BPTF: variants seen among roughly 807,000 people sequenced by gnomAD.
BPTF encodes nucleosome-remodeling factor subunit BPTF.
In BPTF, 18 loss-of-function variants were observed where a neutral mutation model predicts 292.5. The observed-to-expected ratio is 0.06, with a 90% CI of 0.04 to 0.09. The LOEUF (loss-of-function observed/expected upper bound fraction) is 0.09, where lower values mean the gene tolerates loss of function less well. BPTF is among the 10% of genes least tolerant of loss of function. The pLI is 1.00. For missense variants in BPTF, 2,726 were observed against 3,498.7 expected, an observed-to-expected ratio of 0.78 and a Z score of 5.57; for synonymous variants, 1,225 against 1,251.9, an observed-to-expected ratio of 0.98 and a Z score of 0.45.
At chr17:67,973,415 T>G (rs1328734341) in intron 26 of BPTF, among the ~76,000 whole-genome samples, 1 of 152,012 alleles carries the variant, frequency 6.6e-6, no homozygotes, top group African/African-American at 2.4e-5. Flanking sequence ...TTTGCCATTT[T>G]AATCATTTTA....
chr17:67,826,132 A>AGAGGAGGACATGGTCTCC lies in BPTF; in HGVS notation c.417_434dup (p.Asp139_Glu144dup), dbSNP rs1567839918. The stretch of plus-strand genomic sequence containing the variant: ...ACCACGAGAGCGAGGAGGAGGAGGA[A>AGAGGAGGACATGGTCTCC]GAGGAGGACATGGTCTCCGAGGAGG... On this transcript the variant is annotated inframe_insertion, in exon 1 of 28. Transcript: ENST00000306378. 2.1e-6 allele frequency: 3 copies of AGAGGAGGACATGGTCTCC among 1,432,866 alleles called. No homozygotes were observed. 88.8% of individuals were successfully genotyped at this position (1,432,866 alleles called of 1,614,324 possible). A position where few individuals can be genotyped will look rare whatever the true frequency, so the allele number is the denominator to read the frequency against.
intron 1 of BPTF, among the ~76,000 whole-genome samples, chr17:67,839,935 A>G (rs1324136508): frequency 6.6e-6 from 1 of 151,868 alleles, no homozygotes; most frequent in Non-Finnish European, 1.5e-5. Context: ...TATCCTCCCT[A>G]GTACTTGATA....
At chr17:67,919,045 T>C (rs975625339) in intron 12 of BPTF, among the ~76,000 whole-genome samples, 1 of 150,884 alleles carries the variant, frequency 6.6e-6, no homozygotes, top group African/African-American at 2.4e-5. Context: ...GGTGGTGGGC[T>C]CCTGTAGTCC....
chr17:67,842,438 C>A (rs962359620), intron 1 of BPTF, among the ~76,000 whole-genome samples: 3 of 152,122 alleles, frequency 2.0e-5, no homozygotes, highest in East Asian at 1.9e-4. Context: ...GTCTGAGTTA[C>A]CACCATAATA....
chr17:67,827,931 T>C (rs1228413736), intron 1 of BPTF, among the ~76,000 whole-genome samples: 1 of 64,728 alleles, frequency 1.5e-5, no homozygotes, highest in Admixed American at 1.5e-4. Context: ...ATTTTAGTAC[T>C]TTTTTTTTTT....
chr17:67,964,998 C>CAAAAAAAAA (rs58009257), intron 25 of BPTF: 1 of 44,076 alleles, frequency 2.3e-5, no homozygotes, highest in Non-Finnish European at 3.5e-5. Context: ...GACTCCATCG[C>CAAAAAAAAA]AAAAAAAAAA....
chr17:67,842,817 CAAAAAA>C (rs60085248), intron 1 of BPTF, among the ~76,000 whole-genome samples: 8 of 47,804 alleles, frequency 1.7e-4, no homozygotes, highest in African/African-American at 4.6e-4. Flanking sequence ...CAATTAAGGC[CAAAAAA>C]AAAAAAAAAA....
chr17:67,976,103 G>C, intron 27 of BPTF, 145 bp downstream of exon 27: 1 of 590,870 alleles, frequency 1.7e-6, no homozygotes, highest in Non-Finnish European at 2.6e-6. Flanking sequence ...AAGACTCCAG[G>C]GTTATGATCT....
At chr17:67,934,240 G>A (rs1221197613) in intron 18 of BPTF, among the ~76,000 whole-genome samples, 2 of 151,304 alleles carry the variant, frequency 1.3e-5, no homozygotes, top group Admixed American at 6.6e-5. Context: ...AGACATGACC[G>A]GGCGCTGTGG....
chr17:67,825,571 C>G lies in BPTF; in HGVS notation c.-154C>G, dbSNP rs779491277. ...GATCCGGAGTGGGGCCCCAGCAATTCGGATTGAGCCTTCTCCCTCCACCCG... is the reference window on the plus strand; with the variant it reads ...GATCCGGAGTGGGGCCCCAGCAATTGGGATTGAGCCTTCTCCCTCCACCCG... On this transcript the variant is annotated 5_prime_UTR_variant, in exon 1 of 28. Coordinates refer to ENST00000306378, the MANE Select transcript of BPTF (RefSeq NM_182641.4). 1 of 428,300 alleles carries G rather than the reference C, an allele frequency of 2.3e-6. No individual in the cohort carries two copies. The highest frequency in any genetic ancestry group is 1.7e-5 in the South Asian group (1 of 59,012). 26.5% of individuals were successfully genotyped at this position (428,300 alleles called of 1,614,324 possible).
chr17:67,944,128 A>C, intron 19 of BPTF, 22 bp from the exon 20 acceptor site: 1 of 1,567,560 alleles, frequency 6.4e-7, no homozygotes, highest in East Asian at 2.2e-5. Context: ...AACACTGTTT[A>C]CATGTTGTGT....
At chr17:67,943,456 C>T (rs868976312) in intron 19 of BPTF, among the ~76,000 whole-genome samples, 2 of 152,100 alleles carry the variant, frequency 1.3e-5, no homozygotes, top group South Asian at 2.1e-4. Flanking sequence ...GAAGAGAGAG[C>T]GCCTAGAGAA....
At chr17:67,930,368 T>G (rs978632617) in intron 17 of BPTF, among the ~76,000 whole-genome samples, 5 of 151,704 alleles carry the variant, frequency 3.3e-5, no homozygotes. Context: ...CTGGCTAATT[T>G]TTGTATTTTT....
rs549672334 is a variant in BPTF, at chr17:67,875,882, A to G, written c.1864+862A>G. On this transcript the variant is annotated intron_variant, in intron 4 of 27. Transcript: ENST00000306378. ...TTACAGTGCCATCCCCATTTGCTAA[A>G]TTGTCACCTAACATTTGGAGTTTGA... The G allele has an allele frequency of 2.2e-4, 140 of 646,282 alleles. 2 individuals are homozygous for G. In the South Asian group the frequency reaches 9.0e-3, roughly 42 times the overall value. The allele number at this position is 646,282 out of a possible 1,614,324, so 40.0% of individuals were successfully genotyped here. A position where few individuals can be genotyped will look rare whatever the true frequency, so the allele number is the denominator to read the frequency against.
rs943348736 is a variant in BPTF, at chr17:67,917,131, CTTTTT to C, written c.5304-1568_5304-1564del. Among the ~76,000 whole-genome samples, 20 of 105,804 alleles carry C rather than the reference CTTTTT, an allele frequency of 1.9e-4. 2 individuals are homozygous for C. Among genetic ancestry groups the C allele is most frequent in the African/African-American group, 6.9e-4 (19 of 27,614 alleles). The allele number at this position is 105,804 out of a possible 152,430, so 69.4% of individuals were successfully genotyped here. On this transcript the variant is annotated intron_variant, in intron 11 of 27. Coordinates refer to ENST00000306378, the MANE Select transcript of BPTF (RefSeq NM_182641.4). ...GATAAGTAACTAATATGGTATTGTC[CTTTTT>C]TTTTTTTTTTTTTTGAGATAGAGTC...
chr17:67,879,268 A>G (rs182619462), intron 4 of BPTF, among the ~76,000 whole-genome samples: 1 of 151,610 alleles, frequency 6.6e-6, no homozygotes, highest in Non-Finnish European at 1.5e-5. Flanking sequence ...CAGCCTCCCA[A>G]ATAGCTGGGA....
chr17:67,964,186 T>A, intron 24 of BPTF, 26 bp from the exon 25 acceptor site: 1 of 1,594,842 alleles, frequency 6.3e-7, no homozygotes, highest in Non-Finnish European at 8.6e-7. Context: ...TGTTTTGAAC[T>A]CACATTTCCA....
intron 27 of BPTF, 85 bp from the exon 28 acceptor site, chr17:67,982,163 AGACT>A (rs1261410354): frequency 2.5e-6 from 3 of 1,198,570 alleles, no homozygotes; most frequent in Non-Finnish European, 3.7e-6. Flanking sequence ...TGCTTCTCCC[AGACT>A]GACTGACCTT....
At chr17:67,979,859 C>T (rs782132640) in intron 27 of BPTF, among the ~76,000 whole-genome samples, 1 of 145,884 alleles carries the variant, frequency 6.9e-6, no homozygotes, top group Non-Finnish European at 1.5e-5. Flanking sequence ...TGGCCAACAT[C>T]GTGAAACCCC....
Sources: allele counts gnomAD v4.1 joint callset (sites outside exome capture counted in the v4.1 genomes callset), GRCh38; gene constraint gnomAD v4.1.1; transcripts MANE v1.5; gene names NCBI Gene and HGNC (gene_info 2026-07-23, HGNC 2026-07-21).